Variants in AFF2 observed in about 807,000 individuals in gnomAD.
AFF2 encodes ALF transcription elongation factor 2.
AFF2 carries 14 observed loss-of-function variants against 76.9 expected under a neutral mutation model. The ratio of observed to expected loss-of-function variants is 0.18; its 90% confidence interval spans 0.12 to 0.28. The LOEUF is 0.28. AFF2 is among the 10% of genes least tolerant of loss of function. AFF2 has a pLI of 1.00. For synonymous variants in AFF2, 398 were observed against 366.7 expected, an observed-to-expected ratio of 1.09 and a Z score of -0.98; for missense variants, 868 against 1,001.1, an observed-to-expected ratio of 0.87 and a Z score of 1.79.
At chrX:148,890,806 C>T (rs1477357624) in intron 8 of AFF2, among the ~76,000 whole-genome samples, 2 of 112,158 alleles carry the variant, frequency 1.8e-5, no homozygotes, top group Non-Finnish European at 3.8e-5. Flanking sequence ...TTCTAGGATG[C>T]TATACTCACC....
intron 3 of AFF2, among the ~76,000 whole-genome samples, chrX:148,728,080 A>G (rs1195341152): frequency 1.8e-5 from 2 of 112,402 alleles, no homozygotes; most frequent in Non-Finnish European, 3.8e-5. Flanking sequence ...TAATCAATTG[A>G]CTGTACATAA....
chrX:148,975,484 C>T, intron 16 of AFF2, among the ~76,000 whole-genome samples: 1 of 111,886 alleles, frequency 8.9e-6, no homozygotes, highest in African/African-American at 3.2e-5. Flanking sequence ...TGCAGAATAA[C>T]ATGCACACTA....
chrX:148,852,188 C>T (rs2070738566), intron 7 of AFF2, among the ~76,000 whole-genome samples: 1 of 110,786 alleles, frequency 9.0e-6, no homozygotes. Context: ...AATGAACATA[C>T]GTGTGCGTGT....
intron 7 of AFF2, among the ~76,000 whole-genome samples, chrX:148,869,357 A>G (rs1454759783): frequency 1.8e-5 from 2 of 112,404 alleles, no homozygotes; most frequent in Non-Finnish European, 3.8e-5. Context: ...AGTCCATTTT[A>G]AAAGATAAAT....
intron 3 of AFF2, among the ~76,000 whole-genome samples, chrX:148,759,309 A>G (rs1435215120): frequency 2.7e-5 from 3 of 112,444 alleles, no homozygotes; most frequent in Non-Finnish European, 5.6e-5. Context: ...GAAAATATGT[A>G]CACAATTATA....
chrX:148,623,754 G>A (rs1557251620), intron 1 of AFF2, among the ~76,000 whole-genome samples: 3 of 110,562 alleles, frequency 2.7e-5, no homozygotes, highest in African/African-American at 6.6e-5. Context: ...TAGGTATTAT[G>A]TATTAACATA....
chrX:148,901,355 A>G (rs1557280859), intron 8 of AFF2, among the ~76,000 whole-genome samples: 1 of 112,011 alleles, frequency 8.9e-6, no homozygotes, highest in African/African-American at 3.2e-5. Context: ...ATAGGGAACC[A>G]TGGCACAAAA....
At chrX:148,698,251 C>T (rs782488693) in intron 3 of AFF2, among the ~76,000 whole-genome samples, 8 of 112,557 alleles carry the variant, frequency 7.1e-5, no homozygotes, top group Non-Finnish European at 9.4e-5. Context: ...ACTAGAACAT[C>T]TAAATGGCTT....
In AFF2 at chrX:148,763,667, T is replaced by C. The variant is rs142832699; in HGVS notation, c.1042-46209T>C. On this transcript the variant is annotated intron_variant, in intron 3 of 20. Transcript: ENST00000370460. ...GAACATAAAAGAACAACAGCCAACATTGAGGAATATAGAAATCCACCTGAT... is the reference window on the plus strand; with the variant it reads ...GAACATAAAAGAACAACAGCCAACACTGAGGAATATAGAAATCCACCTGAT... Among the ~76,000 whole-genome samples, 577 of 112,069 alleles carry C rather than the reference T, an allele frequency of 5.1e-3. 7 individuals carry two copies. The highest frequency in any genetic ancestry group is 0.018 in the African/African-American group (553 of 30,908).
intron 3 of AFF2, among the ~76,000 whole-genome samples, chrX:148,805,965 G>A (rs1557271296): frequency 8.9e-6 from 1 of 112,428 alleles, no homozygotes; most frequent in Admixed American, 9.4e-5. Context: ...GCGGAGAGGG[G>A]GAATGAGAAA....
chrX:148,765,959 GT>G (rs1557267696), intron 3 of AFF2, among the ~76,000 whole-genome samples: 1 of 104,328 alleles, frequency 9.6e-6, no homozygotes, highest in Non-Finnish European at 1.9e-5. Context: ...GTGGTGTTTG[GT>G]TTTTTGTTCT....
intron 4 of AFF2, among the ~76,000 whole-genome samples, chrX:148,833,133 G>T (rs1557273487): frequency 1.8e-5 from 2 of 111,314 alleles, no homozygotes; most frequent in East Asian, 5.7e-4. Flanking sequence ...ACACACATGT[G>T]TGTTCAAAAA....
At chrX:148,918,483 G>A (rs1557282866) in intron 9 of AFF2, among the ~76,000 whole-genome samples, 3 of 111,395 alleles carry the variant, frequency 2.7e-5, no homozygotes, top group Non-Finnish European at 5.7e-5. Context: ...TACCTTTGTA[G>A]GCACAGCTTA....
At chrX:148,848,528 C>A (rs1185688822) in intron 7 of AFF2, among the ~76,000 whole-genome samples, 1 of 112,388 alleles carries the variant, frequency 8.9e-6, no homozygotes, top group Admixed American at 9.4e-5. Context: ...AGAGCAATAA[C>A]CCACTTTCTA....
chrX:148,627,958 A>G (rs1351888849), intron 1 of AFF2, among the ~76,000 whole-genome samples: 1 of 111,370 alleles, frequency 9.0e-6, no homozygotes, highest in African/African-American at 3.3e-5. Context: ...AAGCTCTGAG[A>G]TTGGCCAAGC....
At position 148,999,797 on chromosome X, in the gene AFF2, G is replaced by A. The variant is rs974099974; in HGVS notation, c.*8465G>A. On this transcript the variant is annotated 3_prime_UTR_variant, in exon 21 of 21. Transcript: ENST00000370460. ...TTGGAAGCTTTGGTCATAATATCAT[G>A]GTTCAATTAAACGGATTCCACCGGA... 13 of 112,472 alleles carry A rather than the reference G, an allele frequency of 1.2e-4. No homozygotes were observed. The highest frequency in any genetic ancestry group is 3.7e-4 in the South Asian group (1 of 2,699). 9.3% of individuals were successfully genotyped at this position (112,472 alleles called of 1,213,427 possible). A position where few individuals can be genotyped will look rare whatever the true frequency, so the allele number is the denominator to read the frequency against.
intron 1 of AFF2, among the ~76,000 whole-genome samples, chrX:148,559,557 G>A (rs988245205): frequency 1.9e-4 from 21 of 111,387 alleles, no homozygotes; most frequent in African/African-American, 6.9e-4. Flanking sequence ...AGTTTGCTGA[G>A]AATGATGGTT....
At position 148,553,119 on chromosome X, in the gene AFF2, A is replaced by G. The variant is rs184917226; in HGVS notation, c.47+51975A>G. On this transcript the variant is annotated intron_variant, in intron 1 of 20. Transcript: ENST00000370460. The stretch of plus-strand genomic sequence containing the variant: ...CTAAAAGGAGAGGAGACTCTTCTTT[A>G]TGTACTTTTTAAATTGAACTGTAAC... Among the ~76,000 whole-genome samples, 164 of 112,095 alleles carry G rather than the reference A, an allele frequency of 1.5e-3. 1 individual carries two copies. The highest frequency in any genetic ancestry group is 4.0e-3 in the Admixed American group (42 of 10,619).
chrX:148,510,743 T>C (rs112385080), intron 1 of AFF2, among the ~76,000 whole-genome samples: 1,779 of 111,934 alleles, frequency 0.016, 30 homozygotes, highest in African/African-American at 0.055. Flanking sequence ...GTGAGCTCAT[T>C]AAGGGTGGAG....
Sources: allele counts gnomAD v4.1 joint callset (sites outside exome capture counted in the v4.1 genomes callset), GRCh38; gene constraint gnomAD v4.1.1; transcripts MANE v1.5; gene names NCBI Gene and HGNC (gene_info 2026-07-23, HGNC 2026-07-21).